Variants in PAK1 observed in about 807,000 individuals in gnomAD.
PAK1 encodes p21 (RAC1) activated kinase 1.
Under a neutral mutation model 67.4 loss-of-function variants are expected in PAK1, and 29 were observed. That is an observed-to-expected ratio of 0.43 (90% CI 0.32 to 0.59). The LOEUF (loss-of-function observed/expected upper bound fraction) is 0.59, where lower values mean the gene tolerates loss of function less well. Among genes scored for constraint, PAK1 ranks in the 20% least tolerant of loss-of-function variants. PAK1 has a pLI of 0.07. For synonymous variants in PAK1, 223 were observed against 237.4 expected (o/e 0.94, Z 0.56); for missense variants, 337 against 670.7 (o/e 0.50, Z 5.50).
chr11:77,398,348 G>C (rs1230735017), intron 1 of PAK1, among the ~76,000 whole-genome samples: 1 of 152,084 alleles, frequency 6.6e-6, no homozygotes, highest in Non-Finnish European at 1.5e-5. Flanking sequence ...CCACAAATAA[G>C]TGAGAACATG....
At chr11:77,332,000 T>A (rs1941650434) in intron 14 of PAK1, among the ~76,000 whole-genome samples, 1 of 151,796 alleles carries the variant, frequency 6.6e-6, no homozygotes, top group African/African-American at 2.4e-5. Context: ...ACAAAGGAAG[T>A]GCTAATGAAA....
intron 1 of PAK1, among the ~76,000 whole-genome samples, chr11:77,419,197 CT>C (rs1955127485): frequency 6.6e-6 from 1 of 152,178 alleles, no homozygotes; most frequent in African/African-American, 2.4e-5. Flanking sequence ...TTATTTATTA[CT>C]AACAGAATCA....
intron 2 of PAK1, among the ~76,000 whole-genome samples, chr11:77,390,717 G>A (rs867639366): frequency 4.3e-5 from 6 of 140,798 alleles, no homozygotes; most frequent in Admixed American, 2.9e-4. Flanking sequence ...GCCCGGGCTA[G>A]TCTCAAACTC....
chr11:77,504,575 A>C, the PAK1 span, among the ~76,000 whole-genome samples: 1 of 152,362 alleles, frequency 6.6e-6, no homozygotes, highest in South Asian at 2.1e-4. Context: ...ATCTGAAATC[A>C]TATCAATGAG....
the PAK1 span, among the ~76,000 whole-genome samples, chr11:77,509,979 G>C: frequency 1.3e-5 from 2 of 152,188 alleles, no homozygotes; most frequent in Non-Finnish European, 2.9e-5. Context: ...GGAATGCCCT[G>C]AATTTGGGGA....
chr11:77,343,021 G>A (rs1004923309), intron 10 of PAK1, among the ~76,000 whole-genome samples: 7 of 151,696 alleles, frequency 4.6e-5, no homozygotes, highest in South Asian at 2.1e-4. Context: ...AGTTATTAAC[G>A]TCTATAAACC....
chr11:77,332,693 C>G (rs752182915), intron 14 of PAK1, 37 bp downstream of exon 14: 2 of 1,585,982 alleles, frequency 1.3e-6, no homozygotes. Context: ...TTTAGTGATT[C>G]CCTGAATTAG....
At chr11:77,434,302 A>C (rs1956006698) in intron 1 of PAK1, among the ~76,000 whole-genome samples, 1 of 152,238 alleles carries the variant, frequency 6.6e-6, no homozygotes, top group Non-Finnish European at 1.5e-5. Flanking sequence ...TTCAGCAGTA[A>C]ATACAATTAC....
At chr11:77,450,404 G>A (rs528363452) in intron 1 of PAK1, among the ~76,000 whole-genome samples, 1 of 152,254 alleles carries the variant, frequency 6.6e-6, no homozygotes, top group East Asian at 1.9e-4. Context: ...AGGGATGAAG[G>A]AAATAGCTGT....
chr11:77,386,805 G>A (rs1007174516), intron 2 of PAK1, among the ~76,000 whole-genome samples: 1 of 152,092 alleles, frequency 6.6e-6, no homozygotes, highest in Non-Finnish European at 1.5e-5. Context: ...ACAGAATTTT[G>A]CTCTGTCACC....
At chr11:77,366,030 G>A (rs1444928814) in intron 5 of PAK1, among the ~76,000 whole-genome samples, 1 of 152,098 alleles carries the variant, frequency 6.6e-6, no homozygotes, top group East Asian at 1.9e-4. Context: ...AGAAAAAATG[G>A]AGGTCAAAAG....
At chr11:77,496,815 C>T in the PAK1 span, among the ~76,000 whole-genome samples, 1 of 152,080 alleles carries the variant, frequency 6.6e-6, no homozygotes. Flanking sequence ...TGCACATAAT[C>T]ACAGCTACTC....
At chr11:77,444,557 A>G (rs1592499133) in intron 1 of PAK1, among the ~76,000 whole-genome samples, 1 of 152,240 alleles carries the variant, frequency 6.6e-6, no homozygotes, top group East Asian at 1.9e-4. Flanking sequence ...GAAGCAAAAC[A>G]TCTTCTATTA....
At chr11:77,340,436 T>C (rs1218259250) in intron 11 of PAK1, among the ~76,000 whole-genome samples, 2 of 152,140 alleles carry the variant, frequency 1.3e-5, no homozygotes, top group Non-Finnish European at 2.9e-5. Context: ...ATAATTTTTC[T>C]ACAATGGGTA....
chr11:77,379,433 G>C, intron 3 of PAK1, 45 bp from the exon 4 acceptor site: 1 of 1,576,870 alleles, frequency 6.3e-7, no homozygotes, highest in African/African-American at 1.4e-5. Flanking sequence ...ACAGTCACAG[G>C]GGAGCCTGAA....
At chr11:77,356,740 T>C (rs1946087225) in intron 6 of PAK1, among the ~76,000 whole-genome samples, 1 of 152,164 alleles carries the variant, frequency 6.6e-6, no homozygotes, top group Non-Finnish European at 1.5e-5. Context: ...TGAGAATCTA[T>C]TTGTTGCCTC....
In PAK1 at chr11:77,474,014, T is replaced by C. The variant is rs575708835; in HGVS notation, c.-484A>G. ...GTGTGGGGGAAGCCGTGAGGGGGCG[T>C]CTACTGTGCAGCCACCACCTTCGGC... On this transcript the variant is annotated 5_prime_UTR_variant, in exon 1 of 15. Transcript: ENST00000356341. The C allele has an allele frequency of 6.6e-6, 1 of 150,718 alleles. No individual in the cohort carries two copies. The highest frequency in any genetic ancestry group is 1.5e-5 in the Non-Finnish European group (1 of 67,788). The allele number at this position is 150,718 out of a possible 1,614,324, so 9.3% of individuals were successfully genotyped here.
chr11:77,500,408 A>T, the PAK1 span, among the ~76,000 whole-genome samples: 1 of 152,196 alleles, frequency 6.6e-6, no homozygotes, highest in Non-Finnish European at 1.5e-5. Context: ...CGAAGGTTGC[A>T]GTGAGCCGAG....
the PAK1 span, among the ~76,000 whole-genome samples, chr11:77,495,140 T>TA: frequency 7.1e-6 from 1 of 140,912 alleles, no homozygotes; most frequent in Non-Finnish European, 1.5e-5. Context: ...CCAGCCTGGG[T>TA]GACAGAGTGA....
Sources: allele counts gnomAD v4.1 joint callset (sites outside exome capture counted in the v4.1 genomes callset), GRCh38; gene constraint gnomAD v4.1.1; transcripts MANE v1.5; gene names NCBI Gene and HGNC (gene_info 2026-07-23, HGNC 2026-07-21).